DPYD: variants seen among roughly 807,000 people sequenced by gnomAD.
DPYD encodes dihydropyrimidine dehydrogenase, also known as dihydropyrimidine dehydrogenase [NADP(+)].
A neutral mutation model predicts 116.2 loss-of-function variants in DPYD; 109 were observed. The observed-to-expected ratio is 0.94, with a 90% CI of 0.80 to 1.10. DPYD has a LOEUF of 1.10. DPYD is among the 50% of genes least tolerant of loss of function. The pLI is 0.00. For missense variants in DPYD, 1,302 were observed against 1,254.5 expected, an observed-to-expected ratio of 1.04 and a Z score of -0.57; for synonymous variants, 440 against 432.0, an observed-to-expected ratio of 1.02 and a Z score of -0.23.
At chr1:97,683,841 C>G (rs1271539652) in intron 7 of DPYD, among the ~76,000 whole-genome samples, 1 of 151,906 alleles carries the variant, frequency 6.6e-6, no homozygotes, top group African/African-American at 2.4e-5. Flanking sequence ...AAAATACTAT[C>G]CTACATAACT....
chr1:97,482,273 G>T (rs1301062073), intron 13 of DPYD, among the ~76,000 whole-genome samples: 2 of 152,068 alleles, frequency 1.3e-5, no homozygotes, highest in African/African-American at 2.4e-5. Context: ...CCTTTAAAGT[G>T]GTGTTATCCA....
At chr1:97,870,402 T>C (rs1314749078) in intron 2 of DPYD, among the ~76,000 whole-genome samples, 3 of 151,698 alleles carry the variant, frequency 2.0e-5, no homozygotes, top group East Asian at 3.9e-4. Context: ...TCGTGTTATA[T>C]AAAAATACAA....
intron 3 of DPYD, among the ~76,000 whole-genome samples, chr1:97,791,206 T>G (rs1424358017): frequency 6.6e-6 from 1 of 152,198 alleles, no homozygotes; most frequent in Admixed American, 6.5e-5. Context: ...GTATTGTATT[T>G]CCGACCCCTT....
chr1:97,573,614 C>A, intron 11 of DPYD, 146 bp downstream of exon 11: 1 of 895,220 alleles, frequency 1.1e-6, no homozygotes, highest in African/African-American at 1.7e-5. Context: ...CATTTCTAAG[C>A]CTTTTGAATC....
At chr1:97,374,576 G>A (rs990794244) in intron 15 of DPYD, among the ~76,000 whole-genome samples, 3 of 151,690 alleles carry the variant, frequency 2.0e-5, no homozygotes, top group African/African-American at 7.3e-5. Context: ...AAAATTAGCC[G>A]GGCATGGTGG....
chr1:97,425,476 T>G (rs1028029520), intron 14 of DPYD, among the ~76,000 whole-genome samples: 15 of 152,068 alleles, frequency 9.9e-5, no homozygotes, highest in African/African-American at 3.1e-4. Flanking sequence ...GAAGGGAAAC[T>G]TAGAGATTTC....
chr1:97,376,887 G>GTA (rs1553166538), intron 15 of DPYD, among the ~76,000 whole-genome samples: 3,879 of 128,452 alleles, frequency 0.03, 108 homozygotes, highest in Middle Eastern at 0.044. Context: ...GTGTGTGTGT[G>GTA]TATATATATA....
At chr1:97,884,947 T>C (rs1367464804) in intron 1 of DPYD, among the ~76,000 whole-genome samples, 3 of 152,134 alleles carry the variant, frequency 2.0e-5, no homozygotes, top group Non-Finnish European at 2.9e-5. Context: ...TTTCCTCACA[T>C]GCAAAATAGG....
chr1:97,745,809 T>G (rs1664517193), intron 3 of DPYD, among the ~76,000 whole-genome samples: 1 of 152,036 alleles, frequency 6.6e-6, no homozygotes. Flanking sequence ...TTTAGTATCT[T>G]ACACCCAGGA....
chr1:97,302,715 C>G (rs749760531), intron 18 of DPYD, among the ~76,000 whole-genome samples: 2 of 151,898 alleles, frequency 1.3e-5, no homozygotes, highest in Non-Finnish European at 2.9e-5. Flanking sequence ...TACATTATGG[C>G]ATATATAAGT....
chr1:97,636,035 G>A (rs1248238541), intron 8 of DPYD, among the ~76,000 whole-genome samples: 2 of 152,080 alleles, frequency 1.3e-5, no homozygotes, highest in African/African-American at 4.8e-5. Context: ...TGCTCAGGCT[G>A]GTCTCGAACT....
At chr1:97,352,410 G>A (rs745623207) in intron 16 of DPYD, among the ~76,000 whole-genome samples, 1 of 152,176 alleles carries the variant, frequency 6.6e-6, no homozygotes. Context: ...ATTCCACTTA[G>A]TGGAACTATC....
chr1:97,910,806 T>C (rs559507389), intron 1 of DPYD, among the ~76,000 whole-genome samples: 1 of 152,228 alleles, frequency 6.6e-6, no homozygotes, highest in Non-Finnish European at 1.5e-5. Context: ...GGGGAGATTT[T>C]ATGTTTCCAA....
intron 18 of DPYD, among the ~76,000 whole-genome samples, chr1:97,289,390 A>G (rs1400604112): frequency 3.3e-5 from 5 of 152,322 alleles, no homozygotes; most frequent in Non-Finnish European, 7.3e-5. Flanking sequence ...ATCGAAAAAG[A>G]GAATTTTAGA....
chr1:97,606,982 G>A (rs933276704), intron 8 of DPYD, among the ~76,000 whole-genome samples: 13 of 151,840 alleles, frequency 8.6e-5, no homozygotes, highest in African/African-American at 1.4e-4. Flanking sequence ...TTCATATTAC[G>A]ACAAATGTAG....
At chr1:97,228,192 C>T (rs1661324507) in intron 19 of DPYD, among the ~76,000 whole-genome samples, 2 of 150,646 alleles carry the variant, frequency 1.3e-5, no homozygotes, top group South Asian at 2.1e-4. Context: ...TACAACAATG[C>T]TAAGAATATA....
At chr1:97,342,156 T>C (rs1026108044) in intron 16 of DPYD, among the ~76,000 whole-genome samples, 3 of 152,094 alleles carry the variant, frequency 2.0e-5, no homozygotes, top group Admixed American at 6.6e-5. Context: ...TTTTGGAAAA[T>C]GTTAAGTGTG....
intron 16 of DPYD, among the ~76,000 whole-genome samples, chr1:97,342,240 T>G (rs1669624748): frequency 6.6e-6 from 1 of 152,200 alleles, no homozygotes; most frequent in African/African-American, 2.4e-5. Context: ...TACATGATCT[T>G]GTCTACTTTC....
At chr1:97,234,546 C>T (rs2100747465) in intron 19 of DPYD, among the ~76,000 whole-genome samples, 1 of 152,248 alleles carries the variant, frequency 6.6e-6, no homozygotes, top group South Asian at 2.1e-4. Context: ...CAGATTTCCT[C>T]ATGTATTGTT....
Sources: gnomAD v4.1 joint callset for allele counts (sites outside exome capture counted in the v4.1 genomes callset) on GRCh38, gnomAD v4.1.1 for gene constraint, MANE v1.5 for transcripts, NCBI Gene and HGNC (gene_info 2026-07-23, HGNC 2026-07-21) for gene names.